Variants in TECPR2 observed in about 807,000 individuals in gnomAD.
TECPR2 encodes tectonin beta-propeller repeat-containing protein 2.
TECPR2 carries 65 observed loss-of-function variants against 138.1 expected under a neutral mutation model. The observed-to-expected ratio is 0.47, with a 90% CI of 0.39 to 0.58. TECPR2 has a LOEUF of 0.58. Among genes scored for constraint, TECPR2 ranks in the 20% least tolerant of loss-of-function variants. TECPR2 has a pLI of 0.00. For missense variants in TECPR2, 1,553 were observed against 1,824.5 expected, an observed-to-expected ratio of 0.85 and a Z score of 2.71; for synonymous variants, 746 against 749.8, an observed-to-expected ratio of 0.99 and a Z score of 0.08.
chr14:102,491,466 A>G (rs8005804), intron 17 of TECPR2, among the ~76,000 whole-genome samples: 107,628 of 152,180 alleles, frequency 0.71, 38,818 homozygotes, highest in African/African-American at 0.85. Context: ...CTCCCTCCTT[A>G]GTCTTCCAAA....
intron 10 of TECPR2, among the ~76,000 whole-genome samples, chr14:102,440,118 C>G (rs1889789212): frequency 6.6e-6 from 1 of 152,206 alleles, no homozygotes. Flanking sequence ...CTGTCATGTG[C>G]CCAGCTCTGT....
At position 102,420,307 on chromosome 14, in the gene TECPR2, A is replaced by T. The variant is rs1889145131; in HGVS notation, c.639-4672A>T. On this transcript the variant is annotated intron_variant, in intron 5 of 19. Transcript: ENST00000359520. The surrounding 1 kb of genome is among the most constrained non-coding windows in gnomAD (Gnocchi z 4.1). ...TAGAATCCTGCAATACTTAGACCTTAAAAGTTGGAGCTTCAGTGTCAAATT... is the reference window on the plus strand; with the variant it reads ...TAGAATCCTGCAATACTTAGACCTTTAAAGTTGGAGCTTCAGTGTCAAATT... Among the ~76,000 whole-genome samples, 1 of 152,194 alleles carries T rather than the reference A, an allele frequency of 6.6e-6. No individual in the cohort carries two copies. Among genetic ancestry groups the T allele is most frequent in the South Asian group, 2.1e-4 (1 of 4,834 alleles).
In TECPR2 at chr14:102,418,539, C is replaced by G. The variant is rs562534498; in HGVS notation, c.638+3746C>G. The stretch of plus-strand genomic sequence containing the variant: ...TCTGGAGGCAGAGGGCCCTGCGCAC[C>G]GAGGATCTGAGCAGCCAGGCTGGCT... On this transcript the variant is annotated intron_variant, in intron 5 of 19. Transcript: ENST00000359520. 9.7e-4 allele frequency among the ~76,000 whole-genome samples: 148 copies of G among 152,296 alleles called. No individual in the cohort carries two copies. The Middle Eastern group carries it at 0.01, about 11-fold the overall frequency.
At chr14:102,428,508 C>A in intron 7 of TECPR2, 126 bp downstream of exon 7, 1 of 1,437,890 alleles carries the variant, frequency 7.0e-7, no homozygotes, top group Non-Finnish European at 9.4e-7. Flanking sequence ...CGCCTGTAAT[C>A]CCAGCACTTT....
rs1158024687 is a variant in TECPR2, at chr14:102,501,305, T to A, written c.*3048T>A. ...GTGGGAAAACTGTCTGATTTCTGGA[T>A]GGCAAAGGCTTTCTAAACTCAAAAG... On this transcript the variant is annotated 3_prime_UTR_variant, in exon 20 of 20. Transcript: ENST00000359520. 1 of 152,248 alleles carries A rather than the reference T, an allele frequency of 6.6e-6. No homozygotes were observed. The highest frequency in any genetic ancestry group is 2.4e-5 in the African/African-American group (1 of 41,468). The allele number at this position is 152,248 out of a possible 1,614,324, so 9.4% of individuals were successfully genotyped here.
intron 2 of TECPR2, among the ~76,000 whole-genome samples, chr14:102,405,020 C>T (rs184152097): frequency 5.3e-4 from 81 of 151,998 alleles, no homozygotes; most frequent in Admixed American, 5.0e-3. Context: ...AAAATTAACT[C>T]AAAATGGCCG....
intron 16 of TECPR2, among the ~76,000 whole-genome samples, chr14:102,461,480 G>C (rs1890409065): frequency 6.6e-6 from 1 of 152,188 alleles, no homozygotes; most frequent in Non-Finnish European, 1.5e-5. Context: ...AAGGGAAAAT[G>C]TCTGCTTTGT....
At position 102,414,633 on chromosome 14, in the gene TECPR2, C is replaced by G; in HGVS notation, c.481-3C>G. The G allele has an allele frequency of 6.2e-7, 1 of 1,614,064 alleles. No individual in the cohort carries two copies. Among genetic ancestry groups the G allele is most frequent in the Non-Finnish European group, 8.5e-7 (1 of 1,179,942 alleles). ...TGAGGTGTAACCAGACTTTCTCTGC[C>G]AGGGGCTCTGTAACTCCCAGCTGGT... On this transcript the variant is annotated splice_polypyrimidine_tract_variant and splice_region_variant and intron_variant, in intron 4 of 19. Transcript: ENST00000359520.
intron 2 of TECPR2, among the ~76,000 whole-genome samples, chr14:102,388,237 TA>T (rs984426031): frequency 7.2e-5 from 11 of 152,228 alleles, no homozygotes; most frequent in African/African-American, 2.7e-4. Context: ...GTGTCCTTCT[TA>T]GCATGGATTG....
chr14:102,463,441 A>C lies in TECPR2; in HGVS notation c.3641-1700A>C, dbSNP rs547656158. 1.3e-3 allele frequency among the ~76,000 whole-genome samples: 190 copies of C among 149,002 alleles called. 3 individuals carry two copies. The highest frequency in any genetic ancestry group is 4.5e-3 in the African/African-American group (182 of 40,364). ...CAAAAAAAAAAAAAAAAAAAAAAAG[A>C]AAAAAACAAAAAAACAGGAGGCAGA... On this transcript the variant is annotated intron_variant, in intron 16 of 19. Coordinates refer to ENST00000359520, the MANE Select transcript of TECPR2 (RefSeq NM_014844.5).
In TECPR2 at chr14:102,438,215, CCCG is replaced by C. The variant is rs760377394; in HGVS notation, c.2578+12_2578+14del. ...GCAGTCTCGCCCTCAGGTTCGCCTC[CCCG>C]CTCCCTGCTCCCGCTCCCTGCTCCC... On this transcript the variant is annotated intron_variant, in intron 10 of 19. Coordinates refer to ENST00000359520, the MANE Select transcript of TECPR2 (RefSeq NM_014844.5). 27 of 872,292 alleles carry C rather than the reference CCCG, an allele frequency of 3.1e-5. No individual in the cohort carries two copies. Among genetic ancestry groups the C allele is most frequent in the Non-Finnish European group, 3.8e-5 (23 of 602,584 alleles). 54.0% of individuals were successfully genotyped at this position (872,292 alleles called of 1,614,324 possible). A position where few individuals can be genotyped will look rare whatever the true frequency, so the allele number is the denominator to read the frequency against.
Position 102,408,589 on chromosome 14 carries a change from A to G in TECPR2, c.450A>G (p.Lys150=). The G allele has an allele frequency of 6.2e-7, 1 of 1,613,366 alleles. No homozygotes were observed. The highest frequency in any genetic ancestry group is 8.5e-7 in the Non-Finnish European group (1 of 1,179,786). Residue 150 remains lysine (K), a synonymous_variant, in exon 4 of 20, where the codon AAA becomes AAG. Transcript: ENST00000359520. ...TGTTCTCTGGAGATGACAAAGGCAAAATTGTTTATTCTTCTCTGGATCTAG... is the reference window on the plus strand; with the variant it reads ...TGTTCTCTGGAGATGACAAAGGCAAGATTGTTTATTCTTCTCTGGATCTAG... ...MKLFSGDDKG[K]IVYSSLDLDQ... is the part of the protein sequence containing the mutation.
intron 2 of TECPR2, among the ~76,000 whole-genome samples, chr14:102,381,940 C>T (rs1358219515): frequency 6.6e-5 from 10 of 152,122 alleles, no homozygotes; most frequent in African/African-American, 2.2e-4. Context: ...AGTAAGGTAT[C>T]CTATACATTT....
intron 10 of TECPR2, among the ~76,000 whole-genome samples, chr14:102,439,605 G>A (rs1321402208): frequency 2.0e-5 from 3 of 152,012 alleles, no homozygotes; most frequent in Non-Finnish European, 4.4e-5. Context: ...GTATTCCCAG[G>A]CCCCTTGGTC....
chr14:102,411,800 C>G (rs1320994305), intron 4 of TECPR2, among the ~76,000 whole-genome samples: 1 of 140,552 alleles, frequency 7.1e-6, no homozygotes, highest in Non-Finnish European at 1.5e-5. Flanking sequence ...TAAAGAAAAA[C>G]TGGCTTTACA....
intron 2 of TECPR2, among the ~76,000 whole-genome samples, chr14:102,404,871 G>A (rs1320182287): frequency 1.3e-5 from 2 of 151,986 alleles, no homozygotes; most frequent in South Asian, 2.1e-4. Context: ...ACCGTACCTG[G>A]CCCAGTCAAG....
intron 2 of TECPR2, among the ~76,000 whole-genome samples, chr14:102,383,031 G>T (rs562609245): frequency 5.3e-5 from 8 of 152,146 alleles, no homozygotes; most frequent in Non-Finnish European, 1.0e-4. Flanking sequence ...GTGCTGGGAT[G>T]ACAGGCGTGA....
In TECPR2 at chr14:102,438,515, G is replaced by A. The variant is rs1022195080; in HGVS notation, c.2578+310G>A. On this transcript the variant is annotated intron_variant, in intron 10 of 19. Coordinates refer to ENST00000359520, the MANE Select transcript of TECPR2 (RefSeq NM_014844.5). ...CTAGACAAAAAGTTTGAAAATTGAG[G>A]GACTTTTTTAGGGATATTAATATAC... 1.0e-5 allele frequency: 3 copies of A among 290,616 alleles called. No homozygotes were observed. In the East Asian group the frequency reaches 2.2e-4, roughly 22 times the overall value. The allele number at this position is 290,616 out of a possible 1,614,324, so 18.0% of individuals were successfully genotyped here. A position where few individuals can be genotyped will look rare whatever the true frequency, so the allele number is the denominator to read the frequency against.
intron 11 of TECPR2, 144 bp downstream of exon 11, chr14:102,440,753 T>A: frequency 8.8e-7 from 1 of 1,142,574 alleles, no homozygotes; most frequent in Non-Finnish European, 1.2e-6. Context: ...GGGAAGAGAG[T>A]ATTTGCCATT....
Sources: allele counts gnomAD v4.1 joint callset (sites outside exome capture counted in the v4.1 genomes callset), GRCh38; gene constraint gnomAD v4.1.1; non-coding constraint Gnocchi (gnomAD v3.1); transcripts MANE v1.5; gene names NCBI Gene and HGNC (gene_info 2026-07-23, HGNC 2026-07-21).